The following SLC5A8 variants were observed in gnomAD, a reference collection of about 807,000 sequenced individuals.
SLC5A8 encodes solute carrier family 5 member 8.
SLC5A8 carries 55 observed loss-of-function variants against 71.9 expected under a neutral mutation model. The observed-to-expected ratio is 0.77, with a 90% CI of 0.62 to 0.96. SLC5A8 has a LOEUF of 0.96. Among genes scored for constraint, SLC5A8 ranks in the 40% least tolerant of loss-of-function variants. The probability of loss-of-function intolerance (pLI) is 0.00; values close to 1 mark genes in which losing one functional copy is unlikely to be tolerated. For synonymous variants in SLC5A8, 307 were observed against 276.1 expected, an observed-to-expected ratio of 1.11 and a Z score of -1.11; for missense variants, 701 against 745.3, an observed-to-expected ratio of 0.94 and a Z score of 0.69.
intron 9 of SLC5A8, among the ~76,000 whole-genome samples, chr12:101,182,303 A>G (rs1183655757): frequency 6.6e-6 from 1 of 152,200 alleles, no homozygotes; most frequent in Non-Finnish European, 1.5e-5. Flanking sequence ...TATTAATCTA[A>G]TTTAATCTAA....
At chr12:101,177,621 G>A (rs367614628) in intron 10 of SLC5A8, among the ~76,000 whole-genome samples, 1 of 151,976 alleles carries the variant, frequency 6.6e-6, no homozygotes, top group African/African-American at 2.4e-5. Context: ...GTTTATTCCC[G>A]GTATGCAAGG....
Position 101,202,289 on chromosome 12 carries a change from A to G in SLC5A8, c.418-74T>C, listed in dbSNP as rs529388290. ...ATGAATTACGTCTGAGTTATAAAAT[A>G]TTGATTGTTTTCCTATAACTTCAAT... On this transcript the variant is annotated intron_variant, in intron 2 of 14. Coordinates refer to ENST00000536262, the MANE Select transcript of SLC5A8 (RefSeq NM_145913.5). The G allele has an allele frequency of 1.5e-5, 19 of 1,304,044 alleles. No homozygotes were observed. In the Admixed American group the frequency reaches 5.4e-4, roughly 37 times the overall value. 80.8% of individuals were successfully genotyped at this position (1,304,044 alleles called of 1,614,324 possible). A position where few individuals can be genotyped will look rare whatever the true frequency, so the allele number is the denominator to read the frequency against.
intron 13 of SLC5A8, among the ~76,000 whole-genome samples, chr12:101,158,655 G>C (rs1306692891): frequency 7.4e-6 from 1 of 134,446 alleles, no homozygotes; most frequent in African/African-American, 2.6e-5. Context: ...ATGTGTGTGA[G>C]ATAGAGCTTA....
intron 10 of SLC5A8, among the ~76,000 whole-genome samples, chr12:101,169,828 G>A (rs938151100): frequency 2.6e-5 from 4 of 152,156 alleles, no homozygotes; most frequent in African/African-American, 9.7e-5. Context: ...ATTGAACAAC[G>A]AAGTCATCTT....
intron 3 of SLC5A8, among the ~76,000 whole-genome samples, chr12:101,199,671 G>A (rs1245770459): frequency 6.6e-6 from 1 of 151,842 alleles, no homozygotes; most frequent in Non-Finnish European, 1.5e-5. Context: ...GCAAGGATGT[G>A]GAATGACTAG....
intron 10 of SLC5A8, among the ~76,000 whole-genome samples, chr12:101,179,782 C>T (rs1434597071): frequency 4.6e-5 from 7 of 152,008 alleles, no homozygotes; most frequent in Non-Finnish European, 1.0e-4. Context: ...CAAGATGTTA[C>T]CACTGAGGGA....
At position 101,187,386 on chromosome 12, in the gene SLC5A8, C is replaced by T. The variant is rs772150223; in HGVS notation, c.963G>A (p.Gln321=). ...WTAKKVSAPD[Q]LMPYLVLDIL... is the part of the protein sequence containing the mutation. ...CTGTAAGAAAGACATGGTACTGAAC[C>T]TGGTCTGGTGCAGACACTTTCTTGG... The change falls in exon 7 of 15, where the codon CAG becomes CAA. Residue 321 remains glutamine (Q), a splice_region_variant and synonymous_variant. Transcript: ENST00000536262. 4.3e-6 allele frequency: 7 copies of T among 1,612,588 alleles called. No homozygotes were observed. Among genetic ancestry groups the T allele is most frequent in the South Asian group, 3.3e-5 (3 of 90,604 alleles).
intron 7 of SLC5A8, among the ~76,000 whole-genome samples, chr12:101,186,049 C>T (rs921307394): frequency 1.4e-5 from 2 of 147,600 alleles, no homozygotes; most frequent in African/African-American, 5.0e-5. Context: ...ATGTATTCTA[C>T]AAGATGTCTC....
chr12:101,172,515 A>G (rs535386731), intron 10 of SLC5A8, among the ~76,000 whole-genome samples: 115 of 152,184 alleles, frequency 7.6e-4, no homozygotes, highest in African/African-American at 2.5e-3. Flanking sequence ...TGCCCTTGTG[A>G]ACAGCTGGAC....
chr12:101,155,752 A>C lies in SLC5A8; in HGVS notation c.*1527T>G, dbSNP rs553126192. ...GGACCTCAAGCGATCTTCCTGCCTCAGCCTCCCAAATGTTCAGATTACAAG... is the reference window on the plus strand; with the variant it reads ...GGACCTCAAGCGATCTTCCTGCCTCCGCCTCCCAAATGTTCAGATTACAAG... On this transcript the variant is annotated 3_prime_UTR_variant, in exon 15 of 15. Transcript: ENST00000536262. 1.1e-4 allele frequency: 16 copies of C among 149,996 alleles called. No homozygotes were observed. In the South Asian group the frequency reaches 2.7e-3, roughly 26 times the overall value. The allele number at this position is 149,996 out of a possible 1,614,324, so 9.3% of individuals were successfully genotyped here.
rs930580671 is a variant in SLC5A8 at position 101,187,636 on chromosome 12, T to C, written c.834-121A>G. ...AGACTCAATAAATGTACATTATCTTTTGATTATCGAAAACTCTACTTATTT... is the reference window on the plus strand; with the variant it reads ...AGACTCAATAAATGTACATTATCTTCTGATTATCGAAAACTCTACTTATTT... On this transcript the variant is annotated intron_variant, in intron 6 of 14. Transcript: ENST00000536262. 6 of 1,061,432 alleles carry C rather than the reference T, an allele frequency of 5.7e-6. No homozygotes were observed. The African/African-American group carries it at 9.8e-5, about 17-fold the overall frequency. The allele number at this position is 1,061,432 out of a possible 1,614,324, so 65.8% of individuals were successfully genotyped here. A position where few individuals can be genotyped will look rare whatever the true frequency, so the allele number is the denominator to read the frequency against.
chr12:101,194,197 G>T (rs140892692), intron 4 of SLC5A8, among the ~76,000 whole-genome samples: 4 of 152,224 alleles, frequency 2.6e-5, no homozygotes, highest in African/African-American at 9.6e-5. Context: ...CACTCAGATG[G>T]TCATTTCCAC....
chr12:101,164,610 T>G (rs975191346), intron 12 of SLC5A8, among the ~76,000 whole-genome samples: 1 of 150,958 alleles, frequency 6.6e-6, no homozygotes, highest in Non-Finnish European at 1.5e-5. Flanking sequence ...CACCGGTCGT[T>G]TCTTCATTCT....
At chr12:101,198,930 A>T (rs755943724) in intron 3 of SLC5A8, among the ~76,000 whole-genome samples, 7 of 151,970 alleles carry the variant, frequency 4.6e-5, no homozygotes, top group Non-Finnish European at 1.0e-4. Flanking sequence ...CATTACAATA[A>T]GACAGGAAAG....
chr12:101,164,095 T>C (rs1384795559), intron 12 of SLC5A8, among the ~76,000 whole-genome samples: 1 of 152,090 alleles, frequency 6.6e-6, no homozygotes, highest in African/African-American at 2.4e-5. Context: ...ACTAACCATA[T>C]AGGAAAAAAC....
Position 101,166,662 on chromosome 12 carries a change from G to A in SLC5A8, c.1358C>T (p.Ser453Phe). The A allele has an allele frequency of 6.2e-7, 1 of 1,612,724 alleles. No homozygotes were observed. The highest frequency in any genetic ancestry group is 8.5e-7 in the Non-Finnish European group (1 of 1,179,592). The stretch of plus-strand genomic sequence containing the variant: ...TTGAGCTCCAATTCCAACCCATAGA[G>A]AAATGGCAAATCCAGCCATCAGACC... ...LVGLMAGFAI[S>F]LWVGIGAQIY... is the part of the protein sequence containing the mutation. Residue 453 changes from serine to phenylalanine, a missense_variant, in exon 12 of 15, where the codon TCT becomes TTT. By Grantham distance (155) the Ser-to-Phe change is radical. Transcript: ENST00000536262.
intron 1 of SLC5A8, among the ~76,000 whole-genome samples, chr12:101,206,487 G>A (rs1483478973): frequency 2.0e-5 from 3 of 152,166 alleles, no homozygotes; most frequent in African/African-American, 7.2e-5. Context: ...CTGATCCAGG[G>A]AAACCTGTGA....
intron 5 of SLC5A8, among the ~76,000 whole-genome samples, chr12:101,192,920 A>T (rs1480312974): frequency 6.6e-6 from 1 of 150,928 alleles, no homozygotes; most frequent in South Asian, 2.1e-4. Context: ...TTTTTATGGC[A>T]GGTGCTAATC....
At chr12:101,202,554 A>AAAT (rs1158489340) in intron 2 of SLC5A8, among the ~76,000 whole-genome samples, 2 of 151,944 alleles carry the variant, frequency 1.3e-5, no homozygotes, top group Non-Finnish European at 2.9e-5. Flanking sequence ...AGAAAAAAAT[A>AAAT]AATAATAATA....
Sources: allele counts gnomAD v4.1 joint callset (sites outside exome capture counted in the v4.1 genomes callset), GRCh38; gene constraint gnomAD v4.1.1; transcripts MANE v1.5; gene names NCBI Gene and HGNC (gene_info 2026-07-23, HGNC 2026-07-21).